CNTNAP4: variants seen among roughly 807,000 people sequenced by gnomAD.
CNTNAP4 encodes the protein contactin-associated protein-like 4.
CNTNAP4 carries 98 observed loss-of-function variants against 148.4 expected under a neutral mutation model. The observed-to-expected ratio is 0.66, with a 90% CI of 0.56 to 0.78. The LOEUF is 0.78. CNTNAP4 is among the 30% of genes least tolerant of loss of function. CNTNAP4 has a pLI of 0.00. For synonymous variants in CNTNAP4, 730 were observed against 565.1 expected (o/e 1.29, Z -4.14); for missense variants, 1,935 against 1,565.6 (o/e 1.24, Z -3.98).
intron 3 of CNTNAP4, among the ~76,000 whole-genome samples, chr16:76,402,779 T>A (rs1336114110): frequency 1.3e-5 from 2 of 152,212 alleles, no homozygotes; most frequent in African/African-American, 4.8e-5. Context: ...CTTCTTGATT[T>A]CAGCCTTAAT....
intron 3 of CNTNAP4, among the ~76,000 whole-genome samples, chr16:76,406,839 G>T (rs367939255): frequency 6.6e-6 from 1 of 152,162 alleles, no homozygotes; most frequent in Non-Finnish European, 1.5e-5. Flanking sequence ...TTCAAGAAAA[G>T]AGGCTGTCTC....
intron 21 of CNTNAP4, among the ~76,000 whole-genome samples, chr16:76,552,506 A>G (rs1409050355): frequency 6.6e-5 from 10 of 152,220 alleles, no homozygotes; most frequent in African/African-American, 2.4e-4. Flanking sequence ...TATAATTAAT[A>G]TCCCAGCATT....
In CNTNAP4 at chr16:76,521,259, G is replaced by A. The variant is rs773500896; in HGVS notation, c.2485G>A (p.Val829Ile). 7 of 1,612,588 alleles carry A rather than the reference G, an allele frequency of 4.3e-6. No individual in the cohort carries two copies. Among genetic ancestry groups the A allele is most frequent in the East Asian group, 2.2e-5 (1 of 44,758 alleles). Residue 829 changes from valine to isoleucine, a missense_variant, in exon 16 of 24, where the codon GTA becomes ATA. By Grantham distance (29) the Val-to-Ile change is conservative. Transcript: ENST00000611870. ...FFFKTTASSGVFLENLGIADF... is the reference protein window; with the variant it reads ...FFFKTTASSGIFLENLGIADF... ...TTTTAAGACAACAGCTTCATCTGGG[G>A]TATTTTTAGAGAACTTGGGGATTGC...
At position 76,454,739 on chromosome 16, in the gene CNTNAP4, G is replaced by A. The variant is rs148457913; in HGVS notation, c.1333+1970G>A. 4.6e-3 allele frequency among the ~76,000 whole-genome samples: 701 copies of A among 152,220 alleles called. 1 individual carries two copies. Among genetic ancestry groups the A allele is most frequent in the African/African-American group, 0.016 (644 of 41,520 alleles). Reference sequence around the variant, plus strand: ...CTTTCCATTTATGTTTTATGTATGCGACACTTGATAATTAAACCAGTTGTC... The same window carrying A: ...CTTTCCATTTATGTTTTATGTATGCAACACTTGATAATTAAACCAGTTGTC... On this transcript the variant is annotated intron_variant, in intron 8 of 23. Transcript: ENST00000611870.
intron 1 of CNTNAP4, among the ~76,000 whole-genome samples, chr16:76,291,250 G>A (rs1225940599): frequency 1.3e-5 from 2 of 152,048 alleles, no homozygotes; most frequent in Non-Finnish European, 2.9e-5. Flanking sequence ...TAGATACATT[G>A]CTTTTACAGG....
chr16:76,542,317 C>T (rs932866105), intron 21 of CNTNAP4, among the ~76,000 whole-genome samples: 1 of 152,168 alleles, frequency 6.6e-6, no homozygotes, highest in Non-Finnish European at 1.5e-5. Flanking sequence ...CTAGCTCTGC[C>T]TATTTAGCTT....
At chr16:76,302,901 C>T (rs1960126243) in intron 1 of CNTNAP4, among the ~76,000 whole-genome samples, 1 of 152,126 alleles carries the variant, frequency 6.6e-6, no homozygotes, top group African/African-American at 2.4e-5. Flanking sequence ...AGATCAGGAG[C>T]TGGAAACATT....
Position 76,553,269 on chromosome 16 carries a change from C to G in CNTNAP4, c.3443-14C>G, listed in dbSNP as rs747631969. 3 of 1,540,594 alleles carry G rather than the reference C, an allele frequency of 1.9e-6. No individual in the cohort carries two copies. Among genetic ancestry groups the G allele is most frequent in the Non-Finnish European group, 2.7e-6 (3 of 1,123,002 alleles). On this transcript the variant is annotated splice_polypyrimidine_tract_variant and intron_variant, in intron 21 of 23. Coordinates refer to ENST00000611870, the MANE Select transcript of CNTNAP4 (RefSeq NM_033401.5). ...TTTCACTACTAATATTTCGGTGTTTCTTTGAATTTCTAGAACACAGTGATG... is the reference window on the plus strand; with the variant it reads ...TTTCACTACTAATATTTCGGTGTTTGTTTGAATTTCTAGAACACAGTGATG...
At chr16:76,289,643 G>T (rs552918631) in intron 1 of CNTNAP4, among the ~76,000 whole-genome samples, 1 of 151,648 alleles carries the variant, frequency 6.6e-6, no homozygotes, top group Non-Finnish European at 1.5e-5. Flanking sequence ...CACAATCTCG[G>T]CTCACTGCAA....
intron 2 of CNTNAP4, among the ~76,000 whole-genome samples, chr16:76,352,175 G>A (rs1256661473): frequency 6.6e-6 from 1 of 152,140 alleles, no homozygotes; most frequent in Non-Finnish European, 1.5e-5. Flanking sequence ...AGAGAGATAT[G>A]CAGTTGTAGC....
At chr16:76,530,740 A>G (rs1346860219) in intron 17 of CNTNAP4, among the ~76,000 whole-genome samples, 2 of 152,308 alleles carry the variant, frequency 1.3e-5, no homozygotes, top group Admixed American at 1.3e-4. Flanking sequence ...AAGGAAGAAT[A>G]GTCCTGTTCC....
chr16:76,495,197 T>C (rs1032285482), intron 14 of CNTNAP4, 131 bp downstream of exon 14: 8 of 968,816 alleles, frequency 8.3e-6, no homozygotes, highest in Non-Finnish European at 1.2e-5. Flanking sequence ...TTTGTTTTAA[T>C]GAAACGTGGT....
chr16:76,382,479 C>G (rs1215318684), intron 3 of CNTNAP4, among the ~76,000 whole-genome samples: 1 of 151,930 alleles, frequency 6.6e-6, no homozygotes, highest in Non-Finnish European at 1.5e-5. Flanking sequence ...GAAACTTATC[C>G]TGATAAAGCA....
chr16:76,314,031 A>G (rs9929622), intron 1 of CNTNAP4, among the ~76,000 whole-genome samples: 1,782 of 152,342 alleles, frequency 0.012, 30 homozygotes, highest in African/African-American at 0.04. Flanking sequence ...CATGATACAC[A>G]TGAGATTATA....
chr16:76,454,628 C>T (rs144582116), intron 8 of CNTNAP4, among the ~76,000 whole-genome samples: 5 of 152,022 alleles, frequency 3.3e-5, no homozygotes, highest in East Asian at 1.9e-4. Context: ...TGCTAGTTCC[C>T]GTGAAGCAAG....
chr16:76,559,962 G>C lies in CNTNAP4; in HGVS notation c.*1279G>C, dbSNP rs2085353256. Among the ~76,000 whole-genome samples, 1 of 152,156 alleles carries C rather than the reference G, an allele frequency of 6.6e-6. No individual in the cohort carries two copies. The highest frequency in any genetic ancestry group is 2.4e-5 in the African/African-American group (1 of 41,460). Reference sequence around the variant, plus strand: ...CACTTCTCGTCTGAAACGATGGGGTGAATTTCTCAAAAATTACCAAGAATC... The same window carrying C: ...CACTTCTCGTCTGAAACGATGGGGTCAATTTCTCAAAAATTACCAAGAATC... On this transcript the variant is annotated 3_prime_UTR_variant, in exon 24 of 24. Coordinates refer to ENST00000611870, the MANE Select transcript of CNTNAP4 (RefSeq NM_033401.5).
intron 17 of CNTNAP4, among the ~76,000 whole-genome samples, chr16:76,525,979 G>T (rs972786752): frequency 6.6e-6 from 1 of 151,556 alleles, no homozygotes; most frequent in African/African-American, 2.4e-5. Context: ...ATCCGTACAT[G>T]TATGCATGCA....
At chr16:76,458,294 A>G (rs928858942) in intron 8 of CNTNAP4, among the ~76,000 whole-genome samples, 1 of 152,050 alleles carries the variant, frequency 6.6e-6, no homozygotes, top group Non-Finnish European at 1.5e-5. Context: ...GTGGTCCTCA[A>G]CCTTTTTGGC....
intron 2 of CNTNAP4, among the ~76,000 whole-genome samples, chr16:76,338,124 G>A (rs118081113): frequency 0.027 from 4,096 of 152,278 alleles, 87 homozygotes; most frequent in Non-Finnish European, 0.035. Flanking sequence ...AATTATAAGA[G>A]TATCGATTGG....
Sources: allele counts gnomAD v4.1 joint callset (sites outside exome capture counted in the v4.1 genomes callset), GRCh38; gene constraint gnomAD v4.1.1; transcripts MANE v1.5; gene names NCBI Gene and HGNC (gene_info 2026-07-23, HGNC 2026-07-21).